Variants in DOCK11 observed in about 807,000 individuals in gnomAD.
DOCK11 encodes dedicator of cytokinesis protein 11.
In DOCK11, 70 loss-of-function variants were observed where a neutral mutation model predicts 169.1. That is an observed-to-expected ratio of 0.41 (90% confidence interval 0.34 to 0.51). The LOEUF (loss-of-function observed/expected upper bound fraction) is 0.51. Among genes scored for constraint, DOCK11 ranks in the 20% least tolerant of loss-of-function variants. The pLI is 0.10. For missense variants in DOCK11, 1,166 were observed against 1,538.8 expected (o/e 0.76, Z 4.05); for synonymous variants, 529 against 541.3 (o/e 0.98, Z 0.32).
At chrX:118,545,110 T>C (rs2012214815) in intron 4 of DOCK11, among the ~76,000 whole-genome samples, 1 of 110,969 alleles carries the variant, frequency 9.0e-6, no homozygotes, top group Non-Finnish European at 1.9e-5. Context: ...TGGAAGTCCT[T>C]ACAGAAACAC....
intron 30 of DOCK11, among the ~76,000 whole-genome samples, chrX:118,616,557 T>G (rs1471110505): frequency 9.0e-6 from 1 of 111,022 alleles, no homozygotes; most frequent in Non-Finnish European, 1.9e-5. Flanking sequence ...TTTGTTTTTT[T>G]TTTGTGTGTG....
At chrX:118,681,547 T>C (rs905893100) in intron 50 of DOCK11, 147 bp from the exon 51 acceptor site, 3 of 440,512 alleles carry the variant, frequency 6.8e-6, no homozygotes, top group African/African-American at 5.1e-5. Flanking sequence ...TTAATGGTTT[T>C]TTGAAATAAA....
chrX:118,545,333 A>G lies in DOCK11; in HGVS notation c.403A>G (p.Arg135Gly). Residue 135 changes from arginine (R) to glycine (G), a missense_variant, in exon 5 of 53, where the codon AGA becomes GGA. Transcript: ENST00000276202. ...DFRMLPCKSL[R>G]PEKIPNHVFE... ...CTCTTATATTTGCAGTAAATCTTTG[A>G]GACCAGAAAAGATTCCTAATCATGT... 8.4e-7 allele frequency: 1 copy of G among 1,193,392 alleles called. No homozygotes were observed. The highest frequency in any genetic ancestry group is 1.1e-6 in the Non-Finnish European group (1 of 885,381).
chrX:118,527,405 A>G (rs907871326), intron 1 of DOCK11, among the ~76,000 whole-genome samples: 1 of 112,222 alleles, frequency 8.9e-6, no homozygotes, highest in Admixed American at 9.5e-5. Flanking sequence ...CTTTTGGAGC[A>G]ACAAATATTT....
chrX:118,550,480 T>C (rs1031636910), intron 6 of DOCK11, among the ~76,000 whole-genome samples: 2 of 111,949 alleles, frequency 1.8e-5, no homozygotes, highest in Admixed American at 9.5e-5. Flanking sequence ...TTCAACATTA[T>C]TGAAATTAGT....
intron 31 of DOCK11, among the ~76,000 whole-genome samples, chrX:118,623,362 A>T (rs2015022045): frequency 8.9e-6 from 1 of 112,811 alleles, no homozygotes. Flanking sequence ...GGAGGAGTGT[A>T]TTTCAGATAA....
chrX:118,543,429 C>T (rs980518592), intron 3 of DOCK11, 82 bp from the exon 4 acceptor site: 27 of 783,525 alleles, frequency 3.4e-5, no homozygotes, highest in East Asian at 6.5e-5. Flanking sequence ...GAAAGCCTGT[C>T]GGCATAGTAC....
chrX:118,675,400 C>T (rs900287116), intron 46 of DOCK11, among the ~76,000 whole-genome samples: 5 of 111,868 alleles, frequency 4.5e-5, no homozygotes, highest in African/African-American at 1.6e-4. Context: ...GTTGATAATA[C>T]AGTATTTCAA....
At chrX:118,673,849 C>T (rs753793320) in intron 46 of DOCK11, among the ~76,000 whole-genome samples, 3 of 111,456 alleles carry the variant, frequency 2.7e-5, no homozygotes, top group African/African-American at 9.8e-5. Context: ...AACCTGCTTT[C>T]TGGATTTGCT....
chrX:118,668,478 C>T (rs1360679727), intron 45 of DOCK11, among the ~76,000 whole-genome samples: 1 of 110,447 alleles, frequency 9.1e-6, no homozygotes, highest in Non-Finnish European at 1.9e-5. Context: ...TTTTAATTCC[C>T]CCAATGTTTG....
chrX:118,501,636 T>C (rs2057576706), intron 1 of DOCK11, among the ~76,000 whole-genome samples: 1 of 112,456 alleles, frequency 8.9e-6, no homozygotes. Flanking sequence ...AGTGAATGTC[T>C]TTGAGAAGGC....
At chrX:118,590,451 C>G in intron 19 of DOCK11, 149 bp downstream of exon 19, 1 of 495,612 alleles carries the variant, frequency 2.0e-6, no homozygotes, top group East Asian at 3.8e-5. Flanking sequence ...CAGAGTGTTA[C>G]TGGCCTGCTT....
In DOCK11 at chrX:118,654,946, T is replaced by G. The variant is rs1276693765; in HGVS notation, c.4954T>G (p.Phe1652Val). 8 of 1,208,168 alleles carry G rather than the reference T, an allele frequency of 6.6e-6. No individual in the cohort carries two copies. Among genetic ancestry groups the G allele is most frequent in the Non-Finnish European group, 9.0e-6 (8 of 892,439 alleles). Reference sequence around the variant, plus strand: ...CCATGTAGCAGCTCTAGTTGCAGAGTTTCTTCATCGAAAAAGTAAGATATT... The same window carrying G: ...CCATGTAGCAGCTCTAGTTGCAGAGGTTCTTCATCGAAAAAGTAAGATATT... ...YVHVAALVAEFLHRKKLFPNG... is the reference protein window; with the variant it reads ...YVHVAALVAEVLHRKKLFPNG... The change falls in exon 44 of 53, where the codon TTT becomes GTT. Residue 1652 changes from phenylalanine (F) to valine (V), a missense_variant. Physicochemically the swap from Phe to Val is conservative, Grantham distance 50. Transcript: ENST00000276202.
chrX:118,572,749 T>C (rs1432005789), intron 11 of DOCK11, among the ~76,000 whole-genome samples: 1 of 112,204 alleles, frequency 8.9e-6, no homozygotes, highest in Non-Finnish European at 1.9e-5. Context: ...AAGAATTTTA[T>C]ACATCTCTTT....
At position 118,676,705 on chromosome X, in the gene DOCK11, G is replaced by A. The variant is rs759242793; in HGVS notation, c.5428G>A (p.Glu1810Lys). 1.7e-6 allele frequency: 2 copies of A among 1,202,065 alleles called. No homozygotes were observed. The highest frequency in any genetic ancestry group is 1.8e-5 in the South Asian group (1 of 55,270). Residue 1810 changes from glutamate to lysine, a missense_variant, in exon 48 of 53, where the codon GAG (glutamate) becomes AAG (lysine). By Grantham distance (56) the Glu-to-Lys change is moderately conservative. Coordinates refer to ENST00000276202, the MANE Select transcript of DOCK11 (RefSeq NM_144658.4). ...ACTTTATGGTGAAAAGTTTGGTACG[G>A]AGAATGTCAAAATAATTCAGGATTC... ...VKLYGEKFGTENVKIIQDSDK... is the reference protein window; with the variant it reads ...VKLYGEKFGTKNVKIIQDSDK...
At chrX:118,590,658 GA>G (rs1275814579) in intron 19 of DOCK11, among the ~76,000 whole-genome samples, 1 of 111,961 alleles carries the variant, frequency 8.9e-6, no homozygotes, top group Non-Finnish European at 1.9e-5. Context: ...GAGAAATTCA[GA>G]AGAGATTTTC....
intron 6 of DOCK11, among the ~76,000 whole-genome samples, chrX:118,557,945 C>A (rs1314651531): frequency 9.4e-6 from 1 of 106,762 alleles, no homozygotes; most frequent in African/African-American, 3.4e-5. Flanking sequence ...TATTCTGATT[C>A]CAGTTCTATC....
chrX:118,588,272 A>G lies in DOCK11; in HGVS notation c.1931A>G (p.Tyr644Cys). ...TTTACTATTTACAAAAACCATCTGT[A>G]TGTATATCCCCTGCAATTAAAATAC... ...YPFTIYKNHL[Y>C]VYPLQLKYDS... The change falls in exon 17 of 53, where the codon TAT becomes TGT. Residue 644 changes from tyrosine to cysteine, a missense_variant. Tyr to Cys is a radical substitution (Grantham distance 194). Transcript: ENST00000276202. 1.7e-6 allele frequency: 2 copies of G among 1,192,590 alleles called. No individual in the cohort carries two copies. The highest frequency in any genetic ancestry group is 2.3e-6 in the Non-Finnish European group (2 of 887,573).
intron 6 of DOCK11, among the ~76,000 whole-genome samples, chrX:118,550,353 C>G (rs377422741): frequency 5.3e-4 from 59 of 110,582 alleles, no homozygotes; most frequent in African/African-American, 1.9e-3. Flanking sequence ...GTAGGAGGAT[C>G]ACTTCAGCCT....
Sources: gnomAD v4.1 joint callset for allele counts (sites outside exome capture counted in the v4.1 genomes callset) on GRCh38, gnomAD v4.1.1 for gene constraint, MANE v1.5 for transcripts, NCBI Gene and HGNC (gene_info 2026-07-23, HGNC 2026-07-21) for gene names.